CRTAP: variants seen among roughly 807,000 people sequenced by gnomAD.
CRTAP encodes cartilage-associated protein.
Under a neutral mutation model 42.7 loss-of-function variants are expected in CRTAP, and 33 were observed. The observed-to-expected ratio is 0.77, with a 90% CI of 0.59 to 1.03. The LOEUF (loss-of-function observed/expected upper bound fraction) is 1.03, where lower values mean the gene tolerates loss of function less well. Among genes scored for constraint, CRTAP ranks in the 50% least tolerant of loss-of-function variants. The pLI, the probability that CRTAP is intolerant of heterozygous loss-of-function variation, is 0.00. For synonymous variants in CRTAP, 243 were observed against 217.7 expected, an observed-to-expected ratio of 1.12 and a Z score of -1.02; for missense variants, 613 against 533.9, an observed-to-expected ratio of 1.15 and a Z score of -1.46.
chr3:33,115,979 TG>T (rs1701338156), intron 1 of CRTAP, among the ~76,000 whole-genome samples: 1 of 152,212 alleles, frequency 6.6e-6, no homozygotes, highest in Non-Finnish European at 1.5e-5. Flanking sequence ...AATTCCAGAA[TG>T]TTGAAAATGA....
rs762897204 is a variant in CRTAP, at chr3:33,132,669, G to A, written c.1037G>A (p.Gly346Asp). ...VYYQYHRDTW[G>D]LSDEHFQPRP... ...TACCAGTACCACAGGGACACTTGGG[G>A]CCTCTCGGATGAGCACTTCCAGCCC... The change falls in exon 5 of 7, where the codon GGC becomes GAC. Residue 346 changes from glycine to aspartate, a missense_variant. Coordinates refer to ENST00000320954, the MANE Select transcript of CRTAP (RefSeq NM_006371.5). The A allele has an allele frequency of 6.2e-7, 1 of 1,614,112 alleles. No homozygotes were observed. Among genetic ancestry groups the A allele is most frequent in the South Asian group, 1.1e-5 (1 of 91,084 alleles).
Position 33,124,036 on chromosome 3 carries a change from A to G in CRTAP, c.622-372A>G, listed in dbSNP as rs1343075323. Among the ~76,000 whole-genome samples the G allele has an allele frequency of 2.0e-5, 3 of 152,224 alleles. No individual in the cohort carries two copies. In the East Asian group the frequency reaches 5.8e-4, roughly 29 times the overall value. On this transcript the variant is annotated intron_variant, in intron 2 of 6. Coordinates refer to ENST00000320954, the MANE Select transcript of CRTAP (RefSeq NM_006371.5). ...TCCTGTAACTGCCATCATAGTTACG[A>G]CATAGAATATTTTCATCACCCCTGA...
At position 33,132,804 on chromosome 3, in the gene CRTAP, G is replaced by A. The variant is rs144160712; in HGVS notation, c.1068+104G>A. ...GTTATTTTGGAAATAAAGGGGCTGG[G>A]CGCGGTGACTCATGCCTGTAATCCC... On this transcript the variant is annotated intron_variant, in intron 5 of 6. Transcript: ENST00000320954. 4.7e-4 allele frequency: 651 copies of A among 1,388,398 alleles called. 3 individuals carry two copies. The African/African-American group carries it at 7.8e-3, about 17-fold the overall frequency. The allele number at this position is 1,388,398 out of a possible 1,614,324, so 86.0% of individuals were successfully genotyped here.
At chr3:33,126,117 C>T (rs2030061159) in intron 3 of CRTAP, among the ~76,000 whole-genome samples, 3 of 152,336 alleles carry the variant, frequency 2.0e-5, no homozygotes, top group Admixed American at 6.5e-5. Flanking sequence ...TATGCGATAA[C>T]TCCCCATATC....
intron 6 of CRTAP, among the ~76,000 whole-genome samples, chr3:33,137,813 A>G (rs2030466729): frequency 6.6e-6 from 1 of 152,176 alleles, no homozygotes; most frequent in African/African-American, 2.4e-5. Context: ...TTTTACTCCT[A>G]CGATTTTTGT....
chr3:33,117,296 T>G (rs976265569), intron 1 of CRTAP, among the ~76,000 whole-genome samples: 3 of 152,118 alleles, frequency 2.0e-5, no homozygotes, highest in African/African-American at 7.2e-5. Flanking sequence ...TTTCAGTGAT[T>G]AAGGAGAAAT....
Position 33,144,426 on chromosome 3 carries a change from C to G in CRTAP, c.*1978C>G, listed in dbSNP as rs375793787. 1 of 152,198 alleles carries G rather than the reference C, an allele frequency of 6.6e-6. No homozygotes were observed. Among genetic ancestry groups the G allele is most frequent in the Non-Finnish European group, 1.5e-5 (1 of 68,046 alleles). 9.4% of individuals were successfully genotyped at this position (152,198 alleles called of 1,614,324 possible). A position where few individuals can be genotyped will look rare whatever the true frequency, so the allele number is the denominator to read the frequency against. On this transcript the variant is annotated 3_prime_UTR_variant, in exon 7 of 7. Transcript: ENST00000320954. The stretch of plus-strand genomic sequence containing the variant: ...AGCTCGAGACAGGGATCTGAATGCA[C>G]TTGGTTTATTGTTGGGGGTGCTCTC...
intron 1 of CRTAP, among the ~76,000 whole-genome samples, chr3:33,118,241 G>A (rs1421347152): frequency 1.3e-5 from 2 of 150,360 alleles, no homozygotes; most frequent in African/African-American, 2.5e-5. Context: ...TTACAGGCAT[G>A]AGCCACTGCT....
intron 6 of CRTAP, among the ~76,000 whole-genome samples, chr3:33,136,056 C>G (rs895339043): frequency 5.9e-5 from 9 of 152,196 alleles, no homozygotes; most frequent in Non-Finnish European, 1.2e-4. Flanking sequence ...CATTCCCACT[C>G]CTGCCTCCAC....
intron 6 of CRTAP, among the ~76,000 whole-genome samples, chr3:33,141,006 T>TTTTTG (rs1553618149): frequency 6.6e-6 from 1 of 152,112 alleles, no homozygotes; most frequent in African/African-American, 2.4e-5. Flanking sequence ...ACTGCTGTTT[T>TTTTTG]TTTTTGTTTT....
chr3:33,124,663 G>T (rs1250985427), intron 3 of CRTAP, 84 bp downstream of exon 3: 1 of 1,507,406 alleles, frequency 6.6e-7, no homozygotes, highest in East Asian at 2.3e-5. Flanking sequence ...CCTGCTAGAT[G>T]CCTGGAGCAG....
At chr3:33,116,449 C>T (rs1335704260) in intron 1 of CRTAP, among the ~76,000 whole-genome samples, 2 of 152,180 alleles carry the variant, frequency 1.3e-5, no homozygotes, top group Non-Finnish European at 2.9e-5. Context: ...ACCTCTGCCT[C>T]CAGGGTGCAA....
intron 1 of CRTAP, among the ~76,000 whole-genome samples, chr3:33,116,670 C>G (rs1019318256): frequency 6.6e-6 from 1 of 152,168 alleles, no homozygotes; most frequent in African/African-American, 2.4e-5. Flanking sequence ...CGGCCACCAT[C>G]TTAACATTTT....
rs1484172930 is a variant in CRTAP, at chr3:33,114,409, G to A, written c.332G>A (p.Gly111Asp). The change falls in exon 1 of 7, where the codon GGC becomes GAC. Residue 111 changes from glycine to aspartate, a missense_variant. Transcript: ENST00000320954. ...ASYPELRLFGGLLRRAHCLKR... is the reference protein window; with the variant it reads ...ASYPELRLFGDLLRRAHCLKR... The stretch of plus-strand genomic sequence containing the variant: ...TATCCCGAGCTGCGCCTCTTCGGGG[G>A]CCTGCTGCGCCGCGCGCACTGCCTC... The A allele has an allele frequency of 9.7e-6, 15 of 1,543,060 alleles. No individual in the cohort carries two copies. Among genetic ancestry groups the A allele is most frequent in the African/African-American group, 1.4e-5 (1 of 71,312 alleles).
intron 5 of CRTAP, 24 bp downstream of exon 5, chr3:33,132,724 C>T (rs1235134473): frequency 6.2e-7 from 1 of 1,612,824 alleles, no homozygotes; most frequent in African/African-American, 1.3e-5. Context: ...ACCACACCTT[C>T]CCTTTTCTCT....
At chr3:33,124,064 A>G (rs1175641939) in intron 2 of CRTAP, among the ~76,000 whole-genome samples, 1 of 152,116 alleles carries the variant, frequency 6.6e-6, no homozygotes, top group Non-Finnish European at 1.5e-5. Flanking sequence ...ACCCCTGAAC[A>G]ATTTCCTCTT....
intron 1 of CRTAP, among the ~76,000 whole-genome samples, chr3:33,114,972 G>A (rs1361565792): frequency 5.3e-5 from 8 of 152,066 alleles, no homozygotes; most frequent in African/African-American, 1.9e-4. Context: ...TTGAGACAGG[G>A]TCTCACAGTC....
In CRTAP at chr3:33,145,005, GGGAAGGAA is replaced by G. The variant is rs1461468434; in HGVS notation, c.*2558_*2565del. On this transcript the variant is annotated 3_prime_UTR_variant, in exon 7 of 7. Transcript: ENST00000320954. The surrounding 1 kb of genome is among the most constrained non-coding windows in gnomAD (Gnocchi z 4.3). ...AACAAGACTTTTCCTGCAATAGCCT[GGGAAGGAA>G]TAAAAGGATAGAGTGTTTGGGTTTT... is the stretch of plus-strand genomic sequence containing the variant. 6.6e-6 allele frequency: 1 copy of G among 152,240 alleles called. No homozygotes were observed. Among genetic ancestry groups the G allele is most frequent in the African/African-American group, 2.4e-5 (1 of 41,452 alleles). The allele number at this position is 152,240 out of a possible 1,614,324, so 9.4% of individuals were successfully genotyped here. A position where few individuals can be genotyped will look rare whatever the true frequency, so the allele number is the denominator to read the frequency against.
At chr3:33,132,816 A>C in intron 5 of CRTAP, 116 bp downstream of exon 5, 154 of 1,246,474 alleles carry the variant, frequency 1.2e-4, no homozygotes, top group Non-Finnish European at 1.6e-4. Flanking sequence ...GCGGTGACTC[A>C]TGCCTGTAAT....
Sources: allele counts gnomAD v4.1 joint callset (sites outside exome capture counted in the v4.1 genomes callset), GRCh38; gene constraint gnomAD v4.1.1; non-coding constraint Gnocchi (gnomAD v3.1); transcripts MANE v1.5; gene names NCBI Gene and HGNC (gene_info 2026-07-23, HGNC 2026-07-21).